Variants in THSD7A observed in about 807,000 individuals in gnomAD.
The protein encoded by THSD7A is thrombospondin type 1 domain containing 7A.
In THSD7A, 96 loss-of-function variants were observed where a neutral mutation model predicts 231.3. The observed-to-expected ratio is 0.41, with a 90% CI of 0.35 to 0.49. The LOEUF (loss-of-function observed/expected upper bound fraction) is 0.49, where lower values mean the gene tolerates loss of function less well. Ranked by LOEUF, THSD7A falls within the 20% of genes least tolerant of loss-of-function variation. THSD7A has a pLI of 0.05. For missense variants in THSD7A, 2,290 were observed against 2,070.2 expected (o/e 1.11, Z -2.06); for synonymous variants, 940 against 743.3 (o/e 1.26, Z -4.30).
intron 1 of THSD7A, among the ~76,000 whole-genome samples, chr7:11,654,309 T>A (rs1236395856): frequency 6.6e-6 from 1 of 151,956 alleles, no homozygotes; most frequent in Non-Finnish European, 1.5e-5. Flanking sequence ...ATTTGATCAA[T>A]GTTGAGTATT....
At chr7:11,790,862 A>G (rs1783931710) in intron 1 of THSD7A, among the ~76,000 whole-genome samples, 1 of 152,002 alleles carries the variant, frequency 6.6e-6, no homozygotes, top group Non-Finnish European at 1.5e-5. Context: ...TTTTTATACA[A>G]AAAATAAAAT....
chr7:11,523,183 T>C (rs1788336830), intron 6 of THSD7A, among the ~76,000 whole-genome samples: 3 of 152,122 alleles, frequency 2.0e-5, no homozygotes, highest in African/African-American at 7.2e-5. Flanking sequence ...CAAAGCATTA[T>C]ATAAAAACGA....
At chr7:11,650,186 T>C (rs753508860) in intron 1 of THSD7A, among the ~76,000 whole-genome samples, 28 of 152,180 alleles carry the variant, frequency 1.8e-4, no homozygotes, top group Admixed American at 8.5e-4. Flanking sequence ...GGCCAACATA[T>C]GGTTAAGTTT....
chr7:11,546,288 C>T (rs1196279304), intron 4 of THSD7A, among the ~76,000 whole-genome samples: 1 of 152,072 alleles, frequency 6.6e-6, no homozygotes. Context: ...CAAGTGTGGA[C>T]CCCATTGTCA....
intron 16 of THSD7A, among the ~76,000 whole-genome samples, chr7:11,419,278 C>A (rs1784063221): frequency 6.6e-6 from 1 of 152,110 alleles, no homozygotes; most frequent in Non-Finnish European, 1.5e-5. Flanking sequence ...GCAGGAGGGG[C>A]CTGGTGGGAG....
chr7:11,468,557 T>A (rs984323448), intron 9 of THSD7A, among the ~76,000 whole-genome samples: 7 of 152,044 alleles, frequency 4.6e-5, no homozygotes, highest in Non-Finnish European at 8.8e-5. Context: ...ATAAAAATAT[T>A]TTGCAGTGGC....
chr7:11,442,510 T>C (rs753324304), intron 13 of THSD7A, among the ~76,000 whole-genome samples: 8 of 152,018 alleles, frequency 5.3e-5, no homozygotes, highest in Non-Finnish European at 1.0e-4. Flanking sequence ...AGCTGGAAGA[T>C]ACTTTTTTCT....
At chr7:11,784,587 A>AT (rs1389267817) in intron 1 of THSD7A, among the ~76,000 whole-genome samples, 1 of 151,556 alleles carries the variant, frequency 6.6e-6, no homozygotes, top group Non-Finnish European at 1.5e-5. Flanking sequence ...AATTATTACT[A>AT]TTTTTTCTAG....
intron 1 of THSD7A, among the ~76,000 whole-genome samples, chr7:11,803,212 G>A (rs927648023): frequency 5.3e-5 from 8 of 152,112 alleles, no homozygotes; most frequent in African/African-American, 1.9e-4. Flanking sequence ...TTGTTTGGGT[G>A]ACCAGACAGG....
rs1356886941 is a variant in THSD7A, at chr7:11,579,453, C to T, written c.1453+11007G>A. On this transcript the variant is annotated intron_variant, in intron 4 of 27. Coordinates refer to ENST00000423059, the MANE Select transcript of THSD7A (RefSeq NM_015204.3). Reference sequence around the variant, plus strand: ...TCCTGGCGCTATCATTCATCTACAACGAACTCGATGAAATAAGTGCTTAAG... The same window carrying T: ...TCCTGGCGCTATCATTCATCTACAATGAACTCGATGAAATAAGTGCTTAAG... Among the ~76,000 whole-genome samples, 7 of 152,268 alleles carry T rather than the reference C, an allele frequency of 4.6e-5. No homozygotes were observed. The South Asian group carries it at 6.2e-4, about 14-fold the overall frequency.
intron 1 of THSD7A, among the ~76,000 whole-genome samples, chr7:11,712,487 G>C (rs1186599201): frequency 1.3e-5 from 2 of 150,940 alleles, no homozygotes; most frequent in Admixed American, 1.3e-4. Context: ...TCTGGAAAAG[G>C]TCGACATTTT....
chr7:11,438,631 AAACT>A (rs1428973030), intron 13 of THSD7A, among the ~76,000 whole-genome samples: 2 of 152,072 alleles, frequency 1.3e-5, no homozygotes, highest in African/African-American at 2.4e-5. Flanking sequence ...GGCATTAGAC[AAACT>A]ATTCTGAACT....
chr7:11,654,291 A>C (rs917674014), intron 1 of THSD7A, among the ~76,000 whole-genome samples: 1 of 151,986 alleles, frequency 6.6e-6, no homozygotes, highest in African/African-American at 2.4e-5. Flanking sequence ...ATACAATGCC[A>C]TAACTAGATT....
intron 23 of THSD7A, among the ~76,000 whole-genome samples, chr7:11,401,396 T>C (rs1453735513): frequency 1.3e-5 from 2 of 152,156 alleles, no homozygotes; most frequent in Non-Finnish European, 2.9e-5. Flanking sequence ...TCAAGTGACA[T>C]CTGAGTAAAT....
At chr7:11,420,190 T>C (rs1784097443) in intron 16 of THSD7A, among the ~76,000 whole-genome samples, 1 of 152,208 alleles carries the variant, frequency 6.6e-6, no homozygotes, top group South Asian at 2.1e-4. Flanking sequence ...CAAATGTTAG[T>C]AGCCAAGACA....
At chr7:11,399,407 G>T (rs1034571275) in intron 23 of THSD7A, among the ~76,000 whole-genome samples, 1 of 151,732 alleles carries the variant, frequency 6.6e-6, no homozygotes, top group Non-Finnish European at 1.5e-5. Context: ...AATTTGCCAT[G>T]AGCTGGTCTA....
intron 1 of THSD7A, among the ~76,000 whole-genome samples, chr7:11,789,530 G>A (rs189198311): frequency 6.6e-6 from 1 of 150,878 alleles, no homozygotes; most frequent in East Asian, 2.0e-4. Flanking sequence ...TTATGAATAA[G>A]GTTGAATATG....
chr7:11,652,934 G>C, intron 1 of THSD7A, among the ~76,000 whole-genome samples: 1 of 152,002 alleles, frequency 6.6e-6, no homozygotes, highest in African/African-American at 2.4e-5. Flanking sequence ...TAGGTGATCA[G>C]TTAACAATCT....
chr7:11,479,101 G>A (rs1278343251), intron 7 of THSD7A, among the ~76,000 whole-genome samples: 1 of 152,154 alleles, frequency 6.6e-6, no homozygotes, highest in African/African-American at 2.4e-5. Context: ...TTTCATGAAG[G>A]ACAAATTGCC....
Sources: gnomAD v4.1 joint callset for allele counts (sites outside exome capture counted in the v4.1 genomes callset) on GRCh38, gnomAD v4.1.1 for gene constraint, MANE v1.5 for transcripts, NCBI Gene and HGNC (gene_info 2026-07-23, HGNC 2026-07-21) for gene names.